Variants in ANK2 observed in about 807,000 individuals in gnomAD.
ANK2 encodes the protein ankyrin 2.
In ANK2, 83 loss-of-function variants were observed where a neutral mutation model predicts 360.5. The ratio of observed to expected loss-of-function variants is 0.23; its 90% confidence interval spans 0.19 to 0.28. The LOEUF (loss-of-function observed/expected upper bound fraction) is 0.28. Ranked by LOEUF, ANK2 falls within the 10% of genes least tolerant of loss-of-function variation. ANK2 has a pLI of 1.00. For missense variants in ANK2, 4,201 were observed against 4,795.7 expected, an observed-to-expected ratio of 0.88 and a Z score of 3.66; for synonymous variants, 1,740 against 1,759.5, an observed-to-expected ratio of 0.99 and a Z score of 0.28.
intron 2 of ANK2, chr4:113,034,595 G>A (rs1335354556): frequency 6.6e-6 from 1 of 152,026 alleles, no homozygotes; most frequent in Non-Finnish European, 1.5e-5. Flanking sequence ...AAGGAGAAGA[G>A]AAGCTGGCAC....
intron 1 of ANK2, among the ~76,000 whole-genome samples, chr4:112,897,987 A>C (rs922725716): frequency 6.6e-6 from 1 of 152,154 alleles, no homozygotes; most frequent in Non-Finnish European, 1.5e-5. Context: ...TAGAACATAA[A>C]CTATAGATCA....
rs746675017 is a variant in ANK2, at chr4:113,356,249, A to T, written c.7631A>T (p.Glu2544Val). 6.2e-7 allele frequency: 1 copy of T among 1,614,086 alleles called. No individual in the cohort carries two copies. The highest frequency in any genetic ancestry group is 2.2e-5 in the East Asian group (1 of 44,874). The part of the protein sequence containing the change: ...SPLSPDTPSS[E>V]EVSYEVTPKT... ...CTTTCTCCTGACACCCCCAGCTCTG[A>T]AGAAGTCAGCTATGAGGTTACACCC... is the stretch of plus-strand genomic sequence containing the variant. The change falls in exon 38 of 46, where the codon GAA (glutamate) becomes GTA (valine). Residue 2544 changes from glutamate (E) to valine (V), a missense_variant. Glu to Val is a moderately radical substitution (Grantham distance 121). Around this residue, in one of 4 missense-constraint regions of ANK2, gnomAD observed 2,642 missense variants for 2,714.5 expected, o/e 0.97. Coordinates refer to ENST00000357077, the MANE Select transcript of ANK2 (RefSeq NM_001148.6).
chr4:112,711,237 A>G, the ANK2 span, among the ~76,000 whole-genome samples: 1 of 150,156 alleles, frequency 6.7e-6, no homozygotes, highest in African/African-American at 2.5e-5. Context: ...TGCCCAGGCT[A>G]TGGGCAGTGC....
chr4:113,345,906 G>A lies in ANK2; in HGVS notation c.4255G>A (p.Asp1419Asn), dbSNP rs745771608. Residue 1419 changes from aspartate to asparagine, a missense_variant, in exon 35 of 46, where the codon GAT becomes AAT. Asp to Asn is a conservative substitution (Grantham distance 23). This residue lies in a region of ANK2 where 1,268 missense variants were observed against 1,650.8 expected (regional missense o/e 0.77). Transcript: ENST00000357077. ...NRLPLFVKVR[D>N]TTQEPCGRLS... The stretch of plus-strand genomic sequence containing the variant: ...TATGTCTTTCTTGTTCAAGGTACGC[G>A]ATACGACTCAGGAACCTTGCGGACG... 3.7e-6 allele frequency: 6 copies of A among 1,613,324 alleles called. No homozygotes were observed. Among genetic ancestry groups the A allele is most frequent in the Admixed American group, 1.7e-5 (1 of 59,996 alleles).
Position 113,083,387 on chromosome 4 carries a change from T to C in ANK2, c.84+33575T>C, listed in dbSNP as rs1280992623. On this transcript the variant is annotated intron_variant, in intron 1 of 45. Transcript: ENST00000357077. The stretch of plus-strand genomic sequence containing the variant: ...TGTAGAGATGGAGGGTCTTGCTATG[T>C]TGGTCTCAAACTTTTGGGCTCAAAT... 2.0e-5 allele frequency among the ~76,000 whole-genome samples: 3 copies of C among 152,110 alleles called. No homozygotes were observed. The South Asian group carries it at 6.2e-4, about 32-fold the overall frequency.
chr4:112,873,298 G>T (rs1193648648), intron 1 of ANK2, among the ~76,000 whole-genome samples: 1 of 151,566 alleles, frequency 6.6e-6, no homozygotes, highest in Non-Finnish European at 1.5e-5. Flanking sequence ...AAGTTGAAAT[G>T]TTAGGTTATT....
chr4:112,990,486 G>GTT (rs554077979), intron 2 of ANK2, among the ~76,000 whole-genome samples: 1 of 146,910 alleles, frequency 6.8e-6, no homozygotes, highest in Non-Finnish European at 1.5e-5. Flanking sequence ...TTGTCAGAGG[G>GTT]TTTTTTTTTT....
At chr4:112,860,180 T>G (rs2067524619) in intron 1 of ANK2, among the ~76,000 whole-genome samples, 1 of 152,236 alleles carries the variant, frequency 6.6e-6, no homozygotes, top group South Asian at 2.1e-4. Context: ...GAGCCAGATT[T>G]ACCATTTAAT....
At chr4:113,018,120 C>T (rs960889633) in intron 2 of ANK2, among the ~76,000 whole-genome samples, 3 of 152,212 alleles carry the variant, frequency 2.0e-5, no homozygotes, top group Non-Finnish European at 4.4e-5. Context: ...GAGCTTTAGT[C>T]GTCAGTCAGT....
Position 113,357,295 on chromosome 4 carries a change from C to G in ANK2, c.8677C>G (p.Gln2893Glu). 4 of 1,614,090 alleles carry G rather than the reference C, an allele frequency of 2.5e-6. No individual in the cohort carries two copies. Among genetic ancestry groups the G allele is most frequent in the Non-Finnish European group, 3.4e-6 (4 of 1,179,992 alleles). ...GAACTTACCAAAGGACTGCCCCTCTCAAGACTCATCCATTACTACTCAAAC... is the reference window on the plus strand; with the variant it reads ...GAACTTACCAAAGGACTGCCCCTCTGAAGACTCATCCATTACTACTCAAAC... ...FENLPKDCPS[Q>E]DSSITTQTDR... is the part of the protein sequence containing the mutation. The change falls in exon 38 of 46, where the codon CAA (glutamine) becomes GAA (glutamate). Residue 2893 changes from glutamine (Q) to glutamate (E), a missense_variant. By Grantham distance (29) the Gln-to-Glu change is conservative. This residue lies in a region of ANK2 where 2,642 missense variants were observed against 2,714.5 expected (regional missense o/e 0.97). Coordinates refer to ENST00000357077, the MANE Select transcript of ANK2 (RefSeq NM_001148.6).
At chr4:112,712,970 C>T in the ANK2 span, among the ~76,000 whole-genome samples, 1 of 152,212 alleles carries the variant, frequency 6.6e-6, no homozygotes, top group East Asian at 1.9e-4. Flanking sequence ...AGTTCTATCT[C>T]CCTGAAAATT....
At chr4:113,064,415 T>A (rs181266687) in intron 1 of ANK2, among the ~76,000 whole-genome samples, 7 of 152,266 alleles carry the variant, frequency 4.6e-5, no homozygotes, top group African/African-American at 1.4e-4. Flanking sequence ...AGCATACACA[T>A]AACAGCAGGT....
At chr4:112,738,434 G>C in the ANK2 span, among the ~76,000 whole-genome samples, 2 of 140,706 alleles carry the variant, frequency 1.4e-5, no homozygotes, top group African/African-American at 2.6e-5. Context: ...AAAAAAAAAA[G>C]ACATGCAAGA....
intron 1 of ANK2, among the ~76,000 whole-genome samples, chr4:112,843,672 AT>A (rs1046007314): frequency 3.9e-5 from 6 of 151,958 alleles, no homozygotes; most frequent in East Asian, 1.9e-4. Flanking sequence ...AAAAATGAAA[AT>A]TTTTTTTCTT....
rs548253322 is a variant in ANK2 at position 112,903,172 on chromosome 4, T to C, written c.-39-1283T>C. On this transcript the variant is annotated intron_variant, in intron 1 of 30. Transcript: ENST00000503271. Reference sequence around the variant, plus strand: ...ATTGGGCCCCACTTCCAGTTTCTCATTGGAAGGTGGAGGGGAGCCCAATAA... The same window carrying C: ...ATTGGGCCCCACTTCCAGTTTCTCACTGGAAGGTGGAGGGGAGCCCAATAA... Among the ~76,000 whole-genome samples, 78 of 152,294 alleles carry C rather than the reference T, an allele frequency of 5.1e-4. 1 individual carries two copies. Among genetic ancestry groups the C allele is most frequent in the African/African-American group, 1.6e-3 (68 of 41,562 alleles).
chr4:112,917,215 T>A (rs1030948318), intron 2 of ANK2, among the ~76,000 whole-genome samples: 2 of 152,210 alleles, frequency 1.3e-5, no homozygotes, highest in Non-Finnish European at 1.5e-5. Context: ...AGCACCACAA[T>A]GAAAAAGAGC....
intron 7 of ANK2, 42 bp downstream of exon 7, chr4:113,237,664 T>G (rs753880714): frequency 6.5e-7 from 1 of 1,545,188 alleles, no homozygotes; most frequent in South Asian, 1.1e-5. Flanking sequence ...TTGTCTTTAT[T>G]TTTAGTTTTT....
At chr4:112,741,901 T>C in the ANK2 span, among the ~76,000 whole-genome samples, 1 of 152,328 alleles carries the variant, frequency 6.6e-6, no homozygotes, top group African/African-American at 2.4e-5. Context: ...TTCTGATTTA[T>C]TGATATAAAC....
chr4:113,027,909 T>C (rs1037361885), intron 2 of ANK2, among the ~76,000 whole-genome samples: 1 of 152,136 alleles, frequency 6.6e-6, no homozygotes, highest in African/African-American at 2.4e-5. Flanking sequence ...TTATGTAACA[T>C]GGTGACATAA....
Sources: gnomAD v4.1 joint callset for allele counts (sites outside exome capture counted in the v4.1 genomes callset) on GRCh38, gnomAD v4.1.1 for gene constraint, gnomAD v4.1.1 regional missense constraint, MANE v1.5 for transcripts, NCBI Gene and HGNC (gene_info 2026-07-23, HGNC 2026-07-21) for gene names.